ARHGAP39: variants seen among roughly 807,000 people sequenced by gnomAD.
The protein encoded by ARHGAP39 is rho GTPase-activating protein 39.
A neutral mutation model predicts 106.9 loss-of-function variants in ARHGAP39; 44 were observed. The observed-to-expected ratio is 0.41, with a 90% CI of 0.32 to 0.53. The LOEUF (loss-of-function observed/expected upper bound fraction) is 0.53. Ranked by LOEUF, ARHGAP39 falls within the 20% of genes least tolerant of loss-of-function variation. The pLI, the probability that ARHGAP39 is intolerant of heterozygous loss-of-function variation, is 0.21. For missense variants in ARHGAP39, 1,496 were observed against 1,577.3 expected (o/e 0.95, Z 0.87); for synonymous variants, 768 against 693.2 (o/e 1.11, Z -1.69).
chr8:144,546,363 G>C (rs183938026), intron 5 of ARHGAP39, among the ~76,000 whole-genome samples: 1 of 152,276 alleles, frequency 6.6e-6, no homozygotes, highest in East Asian at 1.9e-4. Flanking sequence ...CCTGCATCTT[G>C]AGAAGTGGAC....
chr8:144,551,975 TCTC>T (rs1817710226), intron 4 of ARHGAP39, among the ~76,000 whole-genome samples: 2 of 152,070 alleles, frequency 1.3e-5, no homozygotes, highest in Admixed American at 1.3e-4. Context: ...AACCTGTCCA[TCTC>T]CTCCTCACCC....
chr8:144,649,110 C>G (rs577236941), intron 1 of ARHGAP39, among the ~76,000 whole-genome samples: 1 of 152,062 alleles, frequency 6.6e-6, no homozygotes, highest in Admixed American at 6.6e-5. Flanking sequence ...ACTAGCTAGA[C>G]TAATAAAGAA....
At chr8:144,649,332 C>T (rs1369739748) in intron 1 of ARHGAP39, among the ~76,000 whole-genome samples, 1 of 151,720 alleles carries the variant, frequency 6.6e-6, no homozygotes, top group African/African-American at 2.4e-5. Context: ...CGCCTGTAGT[C>T]CCAGCTACTT....
In ARHGAP39 at chr8:144,671,583, C is replaced by T. The variant is rs572940794; in HGVS notation, c.-82+14103G>A. ...AGAGCTGCCGGCTCCGGCCACACAT[C>T]CCTCCCGCCTGAGGCTCTTTCTGTG... On this transcript the variant is annotated intron_variant, in intron 1 of 11. Coordinates refer to ENST00000377307, the MANE Select transcript of ARHGAP39 (RefSeq NM_025251.3). This position sits in a 1 kb window ranked among gnomAD's most constrained non-coding sequence, Gnocchi z 4.5. Among the ~76,000 whole-genome samples, 8 of 152,360 alleles carry T rather than the reference C, an allele frequency of 5.3e-5. No individual in the cohort carries two copies. The highest frequency in any genetic ancestry group is 1.7e-4 in the African/African-American group (7 of 41,586).
chr8:144,608,631 A>G (rs933410856), intron 1 of ARHGAP39, among the ~76,000 whole-genome samples: 3 of 152,304 alleles, frequency 2.0e-5, no homozygotes, highest in Admixed American at 6.5e-5. Context: ...CTCGATTTCT[A>G]CAAAATAGCC....
chr8:144,541,142 C>T (rs566902101), intron 6 of ARHGAP39, among the ~76,000 whole-genome samples: 2 of 152,310 alleles, frequency 1.3e-5, no homozygotes, highest in East Asian at 3.9e-4. Context: ...TGAGCCACCG[C>T]GCCTGGACTC....
intron 1 of ARHGAP39, among the ~76,000 whole-genome samples, chr8:144,614,004 C>T (rs1196409336): frequency 1.3e-5 from 2 of 152,182 alleles, no homozygotes; most frequent in Non-Finnish European, 2.9e-5. Flanking sequence ...TCTTTAAGTT[C>T]ACTAATCTTC....
intron 3 of ARHGAP39, among the ~76,000 whole-genome samples, chr8:144,567,216 C>A (rs960015012): frequency 6.6e-6 from 1 of 152,208 alleles, no homozygotes; most frequent in Non-Finnish European, 1.5e-5. Context: ...AGCAATTACT[C>A]TTTATTCCAA....
intron 1 of ARHGAP39, among the ~76,000 whole-genome samples, chr8:144,622,210 A>T (rs1483789342): frequency 1.3e-5 from 2 of 152,152 alleles, no homozygotes; most frequent in African/African-American, 4.8e-5. Flanking sequence ...GGTCCCGGGC[A>T]AAGCGTGGGG....
In ARHGAP39 at chr8:144,530,109, A is replaced by G; in HGVS notation, c.*313T>C. 2.9e-6 allele frequency: 1 copy of G among 348,958 alleles called. No homozygotes were observed. The highest frequency in any genetic ancestry group is 5.7e-5 in the East Asian group (1 of 17,620). The allele number at this position is 348,958 out of a possible 1,614,324, so 21.6% of individuals were successfully genotyped here. On this transcript the variant is annotated 3_prime_UTR_variant, in exon 12 of 12. Transcript: ENST00000377307. ...GGAGGCAGCCCGGCCCCAAGGAGGCAGCGTCGCTCGGCTCCAGGACACAGA... is the reference window on the plus strand; with the variant it reads ...GGAGGCAGCCCGGCCCCAAGGAGGCGGCGTCGCTCGGCTCCAGGACACAGA...
Position 144,548,768 on chromosome 8 carries a change from G to C in ARHGAP39, c.597-279C>G, listed in dbSNP as rs1817584496. On this transcript the variant is annotated intron_variant, in intron 4 of 11. Transcript: ENST00000377307. The surrounding 1 kb of genome is among the most constrained non-coding windows in gnomAD (Gnocchi z 7.4). ...GGGCTGCTTCTGTAACTAGAACCGG[G>C]GGCGGCGTTACCAGGGCCCTTAATG... 6.6e-6 allele frequency among the ~76,000 whole-genome samples: 1 copy of C among 152,186 alleles called. No individual in the cohort carries two copies. Among genetic ancestry groups the C allele is most frequent in the African/African-American group, 2.4e-5 (1 of 41,448 alleles).
chr8:144,573,946 G>A (rs759982485), intron 3 of ARHGAP39, among the ~76,000 whole-genome samples: 1 of 152,098 alleles, frequency 6.6e-6, no homozygotes. Context: ...GCTGAGGCAG[G>A]CAGATCACTT....
At chr8:144,656,337 A>T (rs543607127) in intron 1 of ARHGAP39, among the ~76,000 whole-genome samples, 4 of 152,282 alleles carry the variant, frequency 2.6e-5, no homozygotes, top group East Asian at 1.9e-4. Context: ...TACAAAATTT[A>T]AAAAAATAAA....
At chr8:144,634,039 G>A (rs1821128992) in intron 1 of ARHGAP39, among the ~76,000 whole-genome samples, 2 of 152,284 alleles carry the variant, frequency 1.3e-5, no homozygotes, top group Non-Finnish European at 2.9e-5. Flanking sequence ...ACTGAAAGAA[G>A]CCCTCTGTGC....
intron 1 of ARHGAP39, among the ~76,000 whole-genome samples, chr8:144,622,882 G>T (rs1310521649): frequency 1.3e-5 from 2 of 152,236 alleles, no homozygotes; most frequent in Non-Finnish European, 2.9e-5. Context: ...GCTGGGCCAG[G>T]CCTGGTTGCT....
intron 1 of ARHGAP39, among the ~76,000 whole-genome samples, chr8:144,674,090 C>A (rs1822170447): frequency 6.6e-6 from 1 of 151,916 alleles, no homozygotes; most frequent in Non-Finnish European, 1.5e-5. Flanking sequence ...TGCTGCAGCT[C>A]TTCTCTCCTT....
chr8:144,601,898 C>T (rs1218882155), intron 2 of ARHGAP39, among the ~76,000 whole-genome samples: 4 of 119,108 alleles, frequency 3.4e-5, no homozygotes, highest in Admixed American at 2.9e-4. Flanking sequence ...TCCATGGAGG[C>T]GTGCATGTGC....
Position 144,605,603 on chromosome 8 carries a change from C to A in ARHGAP39, c.12G>T (p.Thr4=). ...TATGGCTCCTGCACTCGTAGTCCTG[C>A]GTCTGGGACATCGCTGTTTGCTTCC... MSQ[T]QDYECRSHNV... The change falls in exon 2 of 12, where the codon ACG becomes ACT. Residue 4 remains threonine (T), a synonymous_variant. Coordinates refer to ENST00000377307, the MANE Select transcript of ARHGAP39 (RefSeq NM_025251.3). 4 of 1,613,424 alleles carry A rather than the reference C, an allele frequency of 2.5e-6. No homozygotes were observed. The highest frequency in any genetic ancestry group is 3.4e-6 in the Non-Finnish European group (4 of 1,180,028).
intron 1 of ARHGAP39, among the ~76,000 whole-genome samples, chr8:144,618,806 C>A (rs988566135): frequency 6.6e-6 from 1 of 152,276 alleles, no homozygotes; most frequent in Non-Finnish European, 1.5e-5. Flanking sequence ...CAGCCCCCGG[C>A]ACTGCCTACC....
Sources: allele counts gnomAD v4.1 joint callset (sites outside exome capture counted in the v4.1 genomes callset), GRCh38; gene constraint gnomAD v4.1.1; non-coding constraint Gnocchi (gnomAD v3.1); transcripts MANE v1.5; gene names NCBI Gene and HGNC (gene_info 2026-07-23, HGNC 2026-07-21).